Variants in LRRC7 observed in about 807,000 individuals in gnomAD.
LRRC7 encodes the protein leucine-rich repeat-containing protein 7.
Under a neutral mutation model 175.7 loss-of-function variants are expected in LRRC7, and 23 were observed. The ratio of observed to expected loss-of-function variants is 0.13; its 90% CI spans 0.09 to 0.19. The LOEUF (loss-of-function observed/expected upper bound fraction) is 0.19. LRRC7 is among the 10% of genes least tolerant of loss of function. LRRC7 has a pLI of 1.00. For missense variants in LRRC7, 1,354 were observed against 1,904.7 expected, an observed-to-expected ratio of 0.71 and a Z score of 5.38; for synonymous variants, 685 against 680.9, an observed-to-expected ratio of 1.01 and a Z score of -0.09.
rs1324761653 is a variant in LRRC7, at chr1:70,070,246, C to T, written c.4231-5831C>T. On this transcript the variant is annotated intron_variant, in intron 23 of 26. Coordinates refer to ENST00000651989, the MANE Select transcript of LRRC7 (RefSeq NM_001370785.2). ...CTGGCCTCAACTGACCCACCTGCCT[C>T]GGCTTCCCAAAGTGCTGGGGTTATA... 3.3e-5 allele frequency among the ~76,000 whole-genome samples: 5 copies of T among 152,118 alleles called. 1 individual carries two copies. The highest frequency in any genetic ancestry group is 3.9e-4 in the East Asian group (2 of 5,172).
At position 69,615,223 on chromosome 1, in the gene LRRC7, G is replaced by A. The variant is rs527508574; in HGVS notation, c.2+46582G>A. Among the ~76,000 whole-genome samples the A allele has an allele frequency of 9.9e-5, 15 of 152,048 alleles. 1 individual carries two copies. In the South Asian group the frequency reaches 1.0e-3, roughly 11 times the overall value. ...GGACTGAAAATTAATTTCCTTTTAA[G>A]AATTTTTTATTTCCATCTCCCTTTC... On this transcript the variant is annotated intron_variant, in intron 1 of 26. Coordinates refer to ENST00000651989, the MANE Select transcript of LRRC7 (RefSeq NM_001370785.2).
intron 1 of LRRC7, among the ~76,000 whole-genome samples, chr1:69,605,088 A>G (rs557269706): frequency 6.4e-4 from 97 of 152,294 alleles, no homozygotes; most frequent in Non-Finnish European, 1.1e-3. Flanking sequence ...CTTGAATTGT[A>G]GCTCCCATAA....
chr1:69,825,708 T>C, intron 4 of LRRC7, 40 bp from the exon 5 acceptor site: 1 of 1,315,186 alleles, frequency 7.6e-7, no homozygotes, highest in Non-Finnish European at 1.1e-6. Context: ...AGAATATTTG[T>C]TGGAACATTT....
At chr1:69,802,408 G>A (rs1285290332) in intron 4 of LRRC7, among the ~76,000 whole-genome samples, 1 of 151,290 alleles carries the variant, frequency 6.6e-6, no homozygotes, top group Non-Finnish European at 1.5e-5. Flanking sequence ...AGTGGTGAGT[G>A]CATATATTTT....
intron 8 of LRRC7, among the ~76,000 whole-genome samples, chr1:69,960,788 T>TAA (rs111268418): frequency 0.071 from 10,764 of 150,778 alleles, 420 homozygotes; most frequent in South Asian, 0.11. Context: ...CTCTTTATGT[T>TAA]AAAAAAAAAC....
intron 1 of LRRC7, among the ~76,000 whole-genome samples, chr1:69,656,669 A>T (rs536949465): frequency 6.6e-6 from 1 of 152,098 alleles, no homozygotes; most frequent in Non-Finnish European, 1.5e-5. Flanking sequence ...CGTCAAATGG[A>T]GTACTGATTT....
Position 69,792,169 on chromosome 1 carries a change from T to A in LRRC7, c.421+9T>A, listed in dbSNP as rs1402039948. ...CGACATCAGTAAAAATGGTAAGATT[T>A]TTCTCTCATCATAAAATACCTAGAA... On this transcript the variant is annotated intron_variant, in intron 4 of 26. Transcript: ENST00000651989. The A allele has an allele frequency of 6.8e-7, 1 of 1,466,656 alleles. No homozygotes were observed. The highest frequency in any genetic ancestry group is 1.2e-5 in the South Asian group (1 of 83,984). 90.9% of individuals were successfully genotyped at this position (1,466,656 alleles called of 1,614,324 possible). A position where few individuals can be genotyped will look rare whatever the true frequency, so the allele number is the denominator to read the frequency against.
chr1:70,004,861 A>G (rs1301498519), intron 11 of LRRC7, among the ~76,000 whole-genome samples: 1 of 152,066 alleles, frequency 6.6e-6, no homozygotes, highest in Non-Finnish European at 1.5e-5. Context: ...TAATACAATA[A>G]TAGTTTTTCA....
At chr1:69,913,922 G>T (rs1232692940) in intron 7 of LRRC7, among the ~76,000 whole-genome samples, 1 of 152,162 alleles carries the variant, frequency 6.6e-6, no homozygotes, top group South Asian at 2.1e-4. Flanking sequence ...TTTATTCAAA[G>T]AGATGAATTA....
At chr1:69,589,829 G>A (rs753470879) in intron 1 of LRRC7, among the ~76,000 whole-genome samples, 2 of 152,140 alleles carry the variant, frequency 1.3e-5, no homozygotes, top group Non-Finnish European at 2.9e-5. Flanking sequence ...TTTGTAGTCT[G>A]TGGCTAATAA....
chr1:69,586,655 T>C lies in LRRC7; in HGVS notation c.2+18014T>C, dbSNP rs563869411. 5.5e-4 allele frequency among the ~76,000 whole-genome samples: 83 copies of C among 152,264 alleles called. 1 individual carries two copies. In the South Asian group the frequency reaches 8.7e-3, roughly 16 times the overall value. On this transcript the variant is annotated intron_variant, in intron 1 of 26. Coordinates refer to ENST00000651989, the MANE Select transcript of LRRC7 (RefSeq NM_001370785.2). ...TAACTGTTATTTATTATTATCATAA[T>C]TGAAGAATGAAATAAATCTTTCAGC...
chr1:69,757,679 G>A (rs886393001), intron 2 of LRRC7, among the ~76,000 whole-genome samples: 3 of 151,866 alleles, frequency 2.0e-5, no homozygotes, highest in Non-Finnish European at 2.9e-5. Context: ...TTTCCTCTTA[G>A]TTCATAATTT....
intron 7 of LRRC7, 74 bp from the exon 8 acceptor site, chr1:69,931,433 A>T: frequency 8.7e-7 from 1 of 1,151,358 alleles, no homozygotes; most frequent in East Asian, 2.5e-5. Flanking sequence ...TCTGACAGGA[A>T]GGTGGTTGGA....
chr1:69,756,264 A>T (rs1467084096), intron 2 of LRRC7, among the ~76,000 whole-genome samples: 2 of 151,914 alleles, frequency 1.3e-5, no homozygotes, highest in African/African-American at 4.8e-5. Context: ...AGAAAAAAAT[A>T]TTTGAATTGT....
chr1:69,795,861 A>G (rs1479392117), intron 4 of LRRC7, among the ~76,000 whole-genome samples: 3 of 151,452 alleles, frequency 2.0e-5, no homozygotes, highest in Non-Finnish European at 4.4e-5. Flanking sequence ...TAAGTGAACT[A>G]TTGTGTACAG....
In LRRC7 at chr1:69,937,611, A is replaced by C. The variant is rs147054115; in HGVS notation, c.711+6041A>C. 8.4e-3 allele frequency among the ~76,000 whole-genome samples: 1,274 copies of C among 152,072 alleles called. 20 individuals carry two copies. The highest frequency in any genetic ancestry group is 0.029 in the African/African-American group (1,205 of 41,526). ...AGATTTGTATACATTATTCTTGCAT[A>C]CTTTATCTGTAGGTTCATATTACTC... On this transcript the variant is annotated intron_variant, in intron 8 of 26. Coordinates refer to ENST00000651989, the MANE Select transcript of LRRC7 (RefSeq NM_001370785.2).
chr1:70,072,907 C>T (rs1254598833), intron 23 of LRRC7, among the ~76,000 whole-genome samples: 1 of 152,146 alleles, frequency 6.6e-6, no homozygotes, highest in Non-Finnish European at 1.5e-5. Context: ...TTCATGGTTC[C>T]TTTTCAATTC....
In LRRC7 at chr1:69,960,151, C is replaced by T. The variant is rs1446518716; in HGVS notation, c.712-20228C>T. On this transcript the variant is annotated intron_variant, in intron 8 of 26. Transcript: ENST00000651989. Reference sequence around the variant, plus strand: ...GGTTGGAGGCTATTTATTACTGTCTCAATTTCAGAACTCATTATTGGTCTG... The same window carrying T: ...GGTTGGAGGCTATTTATTACTGTCTTAATTTCAGAACTCATTATTGGTCTG... Among the ~76,000 whole-genome samples, 3 of 152,038 alleles carry T rather than the reference C, an allele frequency of 2.0e-5. No individual in the cohort carries two copies. The East Asian group carries it at 5.8e-4, about 29-fold the overall frequency.
chr1:70,044,566 C>T (rs1448511959), intron 22 of LRRC7, among the ~76,000 whole-genome samples: 2 of 152,064 alleles, frequency 1.3e-5, no homozygotes, highest in Non-Finnish European at 2.9e-5. Flanking sequence ...GTAGCTGGTA[C>T]TTATAAGTGC....
Sources: gnomAD v4.1 joint callset for allele counts (sites outside exome capture counted in the v4.1 genomes callset) on GRCh38, gnomAD v4.1.1 for gene constraint, MANE v1.5 for transcripts, NCBI Gene and HGNC (gene_info 2026-07-23, HGNC 2026-07-21) for gene names.